DDC: variants seen among roughly 807,000 people sequenced by gnomAD.
DDC encodes the protein dopa decarboxylase.
DDC carries 43 observed loss-of-function variants against 60.0 expected under a neutral mutation model. The ratio of observed to expected loss-of-function variants is 0.72; its 90% CI spans 0.56 to 0.92. The LOEUF (loss-of-function observed/expected upper bound fraction) is 0.92. Ranked by LOEUF, DDC falls within the 40% of genes least tolerant of loss-of-function variation. The pLI is 0.00. For missense variants in DDC, 573 were observed against 620.2 expected (o/e 0.92, Z 0.81); for synonymous variants, 232 against 234.6 (o/e 0.99, Z 0.10).
chr7:50,511,364 G>T (rs1202213765), intron 6 of DDC, among the ~76,000 whole-genome samples: 1 of 151,858 alleles, frequency 6.6e-6, no homozygotes, highest in African/African-American at 2.4e-5. Flanking sequence ...TGTAATATTT[G>T]ATGTAAAGAA....
intron 14 of DDC, among the ~76,000 whole-genome samples, 158 bp downstream of exon 14, chr7:50,463,055 A>G (rs1465028220): frequency 6.6e-6 from 1 of 152,192 alleles, no homozygotes; most frequent in African/African-American, 2.4e-5. Context: ...GGCGTGAGCC[A>G]CCGCACCCGG....
intron 6 of DDC, among the ~76,000 whole-genome samples, chr7:50,514,462 T>G (rs1035208896): frequency 2.6e-5 from 4 of 152,046 alleles, no homozygotes; most frequent in Admixed American, 6.6e-5. Context: ...TCACCAGCAA[T>G]GGATCCAAAC....
intron 5 of DDC, 136 bp from the exon 6 acceptor site, chr7:50,528,416 G>T: frequency 9.9e-7 from 1 of 1,009,272 alleles, no homozygotes; most frequent in Non-Finnish European, 1.6e-6. Context: ...AACTGCTCCT[G>T]ACTGCTCCCT....
intron 6 of DDC, among the ~76,000 whole-genome samples, chr7:50,507,042 G>A (rs866901882): frequency 3.9e-5 from 6 of 152,202 alleles, no homozygotes; most frequent in African/African-American, 1.4e-4. Context: ...TACTCAGTTT[G>A]TAGAGCATGA....
At chr7:50,561,824 A>C (rs1399899730) in intron 1 of DDC, among the ~76,000 whole-genome samples, 1 of 152,194 alleles carries the variant, frequency 6.6e-6, no homozygotes, top group Non-Finnish European at 1.5e-5. Flanking sequence ...GATGACGAGC[A>C]GCCTGCAGGT....
At chr7:50,480,135 A>C (rs1041513296) in intron 9 of DDC, among the ~76,000 whole-genome samples, 2 of 152,244 alleles carry the variant, frequency 1.3e-5, no homozygotes, top group South Asian at 4.1e-4. Context: ...GCATGTTAAT[A>C]AGATAGCTGG....
At chr7:50,511,488 G>A (rs957457940) in intron 6 of DDC, among the ~76,000 whole-genome samples, 2 of 152,086 alleles carry the variant, frequency 1.3e-5, no homozygotes, top group Non-Finnish European at 2.9e-5. Context: ...CAACACTTTG[G>A]GAGGCCGAGG....
rs199781526 is a variant in DDC at position 50,528,298 on chromosome 7, G to C, written c.571-18C>G. 60 of 1,613,946 alleles carry C rather than the reference G, an allele frequency of 3.7e-5. No homozygotes were observed. In the Admixed American group the frequency reaches 8.3e-4, roughly 22 times the overall value. On this transcript the variant is annotated intron_variant, in intron 5 of 14. Coordinates refer to ENST00000444124, the MANE Select transcript of DDC (RefSeq NM_001082971.2). Reference sequence around the variant, plus strand: ...GAGTGTGCCTGGAAAGAAGACAGCAGAGTTGGATTTGTACAGGTGTGTGCA... The same window carrying C: ...GAGTGTGCCTGGAAAGAAGACAGCACAGTTGGATTTGTACAGGTGTGTGCA...
chr7:50,512,791 C>T (rs2043616590), intron 6 of DDC, among the ~76,000 whole-genome samples: 1 of 152,176 alleles, frequency 6.6e-6, no homozygotes, highest in Non-Finnish European at 1.5e-5. Context: ...GTGCCTTTTT[C>T]CCCCCTTATT....
chr7:50,513,811 G>A lies in DDC; in HGVS notation c.715-9752C>T, dbSNP rs144947592. Reference sequence around the variant, plus strand: ...CTCACCCCCATCCCCCACAGCAGCCGCAGCAAGACCCACCCAAGGAAAGCC... The same window carrying A: ...CTCACCCCCATCCCCCACAGCAGCCACAGCAAGACCCACCCAAGGAAAGCC... On this transcript the variant is annotated intron_variant, in intron 6 of 14. Coordinates refer to ENST00000444124, the MANE Select transcript of DDC (RefSeq NM_001082971.2). Among the ~76,000 whole-genome samples the A allele has an allele frequency of 1.0e-2, 1,513 of 151,998 alleles. 27 individuals carry two copies. The highest frequency in any genetic ancestry group is 0.033 in the African/African-American group (1,379 of 41,442).
At chr7:50,528,111 G>C in intron 6 of DDC, 26 bp downstream of exon 6, 1 of 1,611,422 alleles carries the variant, frequency 6.2e-7, no homozygotes, top group Non-Finnish European at 8.5e-7. Flanking sequence ...TTATTGGCCA[G>C]GAGCCACAAG....
At position 50,544,079 on chromosome 7, in the gene DDC, C is replaced by T. The variant is rs766408460; in HGVS notation, c.7G>A (p.Ala3Thr). MN[A>T]SEFRRRGKEM... ...TTCCCTCTCCTTCGGAATTCACTTG[C>T]GTTCATGGTGTCTGGGCTCTGTCAG... Residue 3 changes from alanine (A) to threonine (T), a missense_variant, in exon 2 of 15, where the codon GCA (alanine) becomes ACA (threonine). By Grantham distance (58) the Ala-to-Thr change is moderately conservative. Coordinates refer to ENST00000444124, the MANE Select transcript of DDC (RefSeq NM_001082971.2). 26 of 1,614,038 alleles carry T rather than the reference C, an allele frequency of 1.6e-5. No homozygotes were observed. Among genetic ancestry groups the T allele is most frequent in the South Asian group, 7.7e-5 (7 of 91,068 alleles).
At chr7:50,544,725 C>T (rs1188877609) in intron 1 of DDC, among the ~76,000 whole-genome samples, 1 of 152,196 alleles carries the variant, frequency 6.6e-6, no homozygotes, top group Non-Finnish European at 1.5e-5. Flanking sequence ...ACAGGCAATT[C>T]TCATTATTGC....
At chr7:50,558,679 G>A (rs1327492254) in intron 1 of DDC, among the ~76,000 whole-genome samples, 1 of 152,050 alleles carries the variant, frequency 6.6e-6, no homozygotes. Flanking sequence ...GTGAAGGAGT[G>A]GGTGCTGGTG....
chr7:50,562,245 G>A (rs2045357880), intron 1 of DDC, among the ~76,000 whole-genome samples: 1 of 152,192 alleles, frequency 6.6e-6, no homozygotes, highest in Non-Finnish European at 1.5e-5. Flanking sequence ...TACAAGTGAG[G>A]GGATCCTGGT....
intron 6 of DDC, chr7:50,527,934 TCA>T: frequency 1.9e-6 from 1 of 539,514 alleles, no homozygotes; most frequent in Non-Finnish European, 3.3e-6. Context: ...TCTTGCTCTG[TCA>T]CACAGGCTGG....
intron 3 of DDC, 119 bp downstream of exon 3, chr7:50,539,796 C>T (rs952164385): frequency 2.7e-6 from 2 of 741,516 alleles, no homozygotes; most frequent in Non-Finnish European, 2.4e-6. Flanking sequence ...CAACAGTAGC[C>T]CGTCTGCCCA....
chr7:50,470,699 CA>C (rs1424694606), intron 11 of DDC, among the ~76,000 whole-genome samples: 1 of 152,174 alleles, frequency 6.6e-6, no homozygotes, highest in East Asian at 1.9e-4. Flanking sequence ...GGAGTGACCC[CA>C]AGACCCCTCA....
chr7:50,527,197 A>C (rs2044062274), intron 6 of DDC, among the ~76,000 whole-genome samples: 1 of 152,168 alleles, frequency 6.6e-6, no homozygotes, highest in Admixed American at 6.5e-5. Flanking sequence ...CCTTCTTTTT[A>C]AGATTTACTT....
Sources: allele counts gnomAD v4.1 joint callset (sites outside exome capture counted in the v4.1 genomes callset), GRCh38; gene constraint gnomAD v4.1.1; transcripts MANE v1.5; gene names NCBI Gene and HGNC (gene_info 2026-07-23, HGNC 2026-07-21).